The following LSAMP variants were observed in gnomAD, a reference collection of about 807,000 sequenced individuals.
LSAMP encodes the protein limbic system associated membrane protein.
LSAMP carries 7 observed loss-of-function variants against 38.6 expected under a neutral mutation model. That is an observed-to-expected ratio of 0.18 (90% CI 0.10 to 0.34). LSAMP has a LOEUF of 0.34. LSAMP is among the 10% of genes least tolerant of loss of function. The pLI, the probability that LSAMP is intolerant of heterozygous loss-of-function variation, is 1.00. For synonymous variants in LSAMP, 154 were observed against 166.8 expected (o/e 0.92, Z 0.59); for missense variants, 313 against 420.0 (o/e 0.75, Z 2.23).
chr3:116,049,665 A>G (rs998048063), intron 2 of LSAMP, among the ~76,000 whole-genome samples: 2 of 152,230 alleles, frequency 1.3e-5, no homozygotes, highest in African/African-American at 4.8e-5. Context: ...TCCTGGATCA[A>G]TTAAACATTT....
chr3:116,269,767 G>T (rs937646183), intron 1 of LSAMP, among the ~76,000 whole-genome samples: 4 of 152,046 alleles, frequency 2.6e-5, no homozygotes, highest in Non-Finnish European at 5.9e-5. Context: ...AAAGGCACAT[G>T]GTTCTTTGTT....
chr3:116,310,671 C>G (rs528277403), intron 1 of LSAMP, among the ~76,000 whole-genome samples: 1 of 151,946 alleles, frequency 6.6e-6, no homozygotes, highest in Non-Finnish European at 1.5e-5. Context: ...AGTCTCCCAA[C>G]GAAAGAAAAA....
intron 3 of LSAMP, among the ~76,000 whole-genome samples, chr3:115,884,557 C>G (rs1406923234): frequency 6.6e-6 from 1 of 151,970 alleles, no homozygotes; most frequent in Non-Finnish European, 1.5e-5. Flanking sequence ...CTGGTGATCT[C>G]TCTAGTGAGT....
chr3:116,114,887 C>T (rs1048293120), intron 1 of LSAMP, among the ~76,000 whole-genome samples: 8 of 152,190 alleles, frequency 5.3e-5, no homozygotes, highest in Non-Finnish European at 1.2e-4. Context: ...CTACATTTTA[C>T]AATGTTTTCC....
chr3:115,850,807 G>A (rs1278679475), intron 4 of LSAMP, among the ~76,000 whole-genome samples: 1 of 152,198 alleles, frequency 6.6e-6, no homozygotes, highest in African/African-American at 2.4e-5. Context: ...GGCTGGAGAA[G>A]GTCACAGGTA....
chr3:116,303,280 A>G (rs373462812), intron 1 of LSAMP, among the ~76,000 whole-genome samples: 5 of 152,174 alleles, frequency 3.3e-5, no homozygotes, highest in Admixed American at 3.3e-4. Context: ...GAAAATTGCC[A>G]TACACCATTA....
chr3:115,901,400 T>A (rs1051421883), intron 3 of LSAMP, among the ~76,000 whole-genome samples: 5 of 152,174 alleles, frequency 3.3e-5, no homozygotes, highest in Non-Finnish European at 7.3e-5. Context: ...TTGATGTAGA[T>A]GCTTCCCGAA....
Position 116,204,541 on chromosome 3 carries a change from C to T in LSAMP, c.156-117985G>A, listed in dbSNP as rs1171426180. On this transcript the variant is annotated intron_variant, in intron 1 of 6. Coordinates refer to ENST00000490035, the MANE Select transcript of LSAMP (RefSeq NM_002338.5). The stretch of plus-strand genomic sequence containing the variant: ...AGGGTTTTTATGGTTTTAGGTCTAA[C>T]ATTTAAGTCTTTAATCCATCTTGAA... 1.0e-3 allele frequency among the ~76,000 whole-genome samples: 156 copies of T among 150,332 alleles called. 3 individuals carry two copies. The highest frequency in any genetic ancestry group is 3.5e-3 in the Middle Eastern group (1 of 288).
rs189355605 is a variant in LSAMP, at chr3:115,955,233, C to A, written c.514+64282G>T. 5.3e-4 allele frequency among the ~76,000 whole-genome samples: 80 copies of A among 152,266 alleles called. No individual in the cohort carries two copies. The East Asian group carries it at 0.011, about 21-fold the overall frequency. On this transcript the variant is annotated intron_variant, in intron 3 of 6. Transcript: ENST00000490035. ...ACAGGCGTGAGCCACCGCGCCTGGC[C>A]ATGTTTTTGATATTTTATTTGTAAC...
At chr3:115,883,711 T>G (rs2107438631) in intron 3 of LSAMP, among the ~76,000 whole-genome samples, 1 of 152,182 alleles carries the variant, frequency 6.6e-6, no homozygotes, top group East Asian at 1.9e-4. Flanking sequence ...GCCTGTTCTC[T>G]TTTTATGCAT....
At chr3:116,260,467 A>G (rs2046810593) in intron 1 of LSAMP, among the ~76,000 whole-genome samples, 1 of 152,020 alleles carries the variant, frequency 6.6e-6, no homozygotes, top group South Asian at 2.1e-4. Context: ...ATAAATGTAA[A>G]ATATATAAAA....
Position 116,344,881 on chromosome 3 carries a change from A to G in LSAMP, c.155+99996T>C, listed in dbSNP as rs922057940. Among the ~76,000 whole-genome samples, 3 of 152,176 alleles carry G rather than the reference A, an allele frequency of 2.0e-5. No individual in the cohort carries two copies. The South Asian group carries it at 6.2e-4, about 31-fold the overall frequency. ...AATGAAAAAGAGATAGGTTTCTGTA[A>G]ATCCATTTAGATCCCACTCTTTGAT... is the stretch of plus-strand genomic sequence containing the variant. On this transcript the variant is annotated intron_variant, in intron 1 of 6. Transcript: ENST00000490035.
At chr3:116,077,079 T>C (rs939084107) in intron 2 of LSAMP, among the ~76,000 whole-genome samples, 1 of 151,724 alleles carries the variant, frequency 6.6e-6, no homozygotes, top group Admixed American at 6.6e-5. Context: ...TTAATATATT[T>C]GTATTGTTAA....
At chr3:116,337,437 G>A (rs900949814) in intron 1 of LSAMP, among the ~76,000 whole-genome samples, 3 of 151,928 alleles carry the variant, frequency 2.0e-5, no homozygotes, top group African/African-American at 7.2e-5. Flanking sequence ...TCTAGTGCTA[G>A]GAAAATTATA....
At chr3:116,364,227 C>CA (rs2048326997) in intron 1 of LSAMP, among the ~76,000 whole-genome samples, 1 of 36,790 alleles carries the variant, frequency 2.7e-5, no homozygotes, top group Admixed American at 3.2e-4. Context: ...AACAGACAAA[C>CA]AGAGAGCCAA....
intron 4 of LSAMP, among the ~76,000 whole-genome samples, chr3:115,846,938 T>C (rs1935178371): frequency 6.6e-6 from 1 of 152,196 alleles, no homozygotes; most frequent in Admixed American, 6.5e-5. Context: ...ATTGTTACCA[T>C]GGGACACAAT....
chr3:115,852,727 A>G (rs972393697), intron 3 of LSAMP, 110 bp from the exon 4 acceptor site: 8 of 1,102,926 alleles, frequency 7.3e-6, no homozygotes, highest in African/African-American at 3.2e-5. Flanking sequence ...CAATGATTTG[A>G]AAATGTACTT....
At chr3:116,390,129 G>GTA (rs1559850954) in intron 1 of LSAMP, among the ~76,000 whole-genome samples, 2 of 123,352 alleles carry the variant, frequency 1.6e-5, no homozygotes, top group Admixed American at 7.9e-5. Flanking sequence ...ATGTATGTAT[G>GTA]TATACACACA....
At chr3:116,403,170 C>T (rs1224530805) in intron 1 of LSAMP, among the ~76,000 whole-genome samples, 2 of 152,290 alleles carry the variant, frequency 1.3e-5, no homozygotes, top group South Asian at 2.1e-4. Flanking sequence ...GGATGTTATT[C>T]ACAGTTATGC....
Sources: gnomAD v4.1 joint callset for allele counts (sites outside exome capture counted in the v4.1 genomes callset) on GRCh38, gnomAD v4.1.1 for gene constraint, MANE v1.5 for transcripts, NCBI Gene and HGNC (gene_info 2026-07-23, HGNC 2026-07-21) for gene names.